NPIPB2: variants seen among roughly 807,000 people sequenced by gnomAD.
NPIPB2 encodes the protein nuclear pore complex interacting protein family member B2.
Under a neutral mutation model 30.8 loss-of-function variants are expected in NPIPB2, and 27 were observed. The observed-to-expected ratio is 0.88, with a 90% CI of 0.65 to 1.21. NPIPB2 has a LOEUF of 1.21. Among genes scored for constraint, NPIPB2 ranks in the 50% most tolerant of loss-of-function variants. NPIPB2 has a pLI of 0.00. For missense variants in NPIPB2, 440 were observed against 446.2 expected (o/e 0.99, Z 0.13); for synonymous variants, 147 against 162.0 (o/e 0.91, Z 0.70).
At chr16:11,971,946 A>T (rs1567481407) in intron 1 of NPIPB2, among the ~76,000 whole-genome samples, 2 of 151,620 alleles carry the variant, frequency 1.3e-5, no homozygotes, top group East Asian at 4.0e-4. Flanking sequence ...GGAGTTTGAG[A>T]CCAGCATCGC....
intron 4 of NPIPB2, among the ~76,000 whole-genome samples, chr16:11,932,385 G>A (rs1323547945): frequency 6.7e-6 from 1 of 149,686 alleles, no homozygotes; most frequent in East Asian, 2.0e-4. Flanking sequence ...CAGGCTGGGT[G>A]CGGTGGCTCA....
intron 1 of NPIPB2, among the ~76,000 whole-genome samples, chr16:11,957,376 G>C (rs1032661502): frequency 6.6e-6 from 1 of 152,020 alleles, no homozygotes; most frequent in African/African-American, 2.4e-5. Context: ...CGTTAGCCAG[G>C]ATGGTCTCCA....
At chr16:11,950,518 CTTCTCTTCTG>C (rs2055052395) in intron 1 of NPIPB2, among the ~76,000 whole-genome samples, 1 of 152,242 alleles carries the variant, frequency 6.6e-6, no homozygotes, top group South Asian at 2.1e-4. Flanking sequence ...TTGCAAATGA[CTTCTCTTCTG>C]AGGAAAGGAG....
intron 1 of NPIPB2, among the ~76,000 whole-genome samples, chr16:11,973,478 A>G (rs1454225941): frequency 2.6e-5 from 4 of 152,230 alleles, no homozygotes; most frequent in Non-Finnish European, 5.9e-5. Context: ...TAAACTGGAG[A>G]AAAGGTAGAC....
At chr16:11,968,069 C>A in intron 1 of NPIPB2, 4 of 501,024 alleles carry the variant, frequency 8.0e-6, no homozygotes, top group Non-Finnish European at 6.9e-6. Context: ...TTTTTCCTGA[C>A]ATCTAAGTTT....
chr16:11,944,726 T>C (rs1596497075), upstream of NPIPB2, among the ~76,000 whole-genome samples: 1 of 65,660 alleles, frequency 1.5e-5, no homozygotes, highest in Admixed American at 2.8e-4. Context: ...TGACACAGAC[T>C]CCGTGTCAAA....
At chr16:11,967,897 T>C (rs750763067) in intron 1 of NPIPB2, 21 of 1,583,448 alleles carry the variant, frequency 1.3e-5, no homozygotes, top group Non-Finnish European at 1.4e-5. Context: ...TTTGTCAGAA[T>C]AGATGATGTG....
At chr16:11,944,933 C>T (rs894221355), upstream of NPIPB2, among the ~76,000 whole-genome samples, 1 of 151,462 alleles carries the variant, frequency 6.6e-6, no homozygotes, top group African/African-American at 2.4e-5. Context: ...AATCCCAGCA[C>T]TTTGGAAGGT....
chr16:11,967,628 A>G, intron 1 of NPIPB2: 4 of 1,614,216 alleles, frequency 2.5e-6, no homozygotes, highest in East Asian at 2.2e-5. Flanking sequence ...CTGGTGATGA[A>G]ATTATTCTTC....
At chr16:11,927,423 T>G in exon 8 of NPIPB2, 2 of 1,149,408 alleles carry the variant, frequency 1.7e-6, no homozygotes, top group Admixed American at 2.0e-5. Context: ...CTCCGCCTCT[T>G]GGGCTCGGGT....
chr16:11,958,247 A>G (rs11645231), intron 1 of NPIPB2, among the ~76,000 whole-genome samples: 47,080 of 151,594 alleles, frequency 0.31, 9,025 homozygotes, highest in Non-Finnish European at 0.44. Flanking sequence ...CCAACATAGC[A>G]AAACCTCACC....
chr16:11,969,617 A>G (rs1190307275), intron 1 of NPIPB2, among the ~76,000 whole-genome samples: 1 of 152,188 alleles, frequency 6.6e-6, no homozygotes, highest in East Asian at 1.9e-4. Context: ...GAAGCCTAGA[A>G]TCAACCAGAC....
intron 1 of NPIPB2, chr16:11,966,401 G>A (rs1478455243): frequency 1.4e-5 from 22 of 1,535,470 alleles, no homozygotes; most frequent in Non-Finnish European, 1.7e-5. Context: ...GTGAGTTTCA[G>A]TTCCTTTTCT....
chr16:11,957,961 T>G (rs2055124601), intron 1 of NPIPB2, among the ~76,000 whole-genome samples: 1 of 152,170 alleles, frequency 6.6e-6, no homozygotes, highest in South Asian at 2.1e-4. Context: ...ACTTAGATAT[T>G]CCCCAATTAC....
At chr16:11,965,304 C>T in intron 1 of NPIPB2, 3 of 1,613,722 alleles carry the variant, frequency 1.9e-6, no homozygotes, top group Non-Finnish European at 2.5e-6. Flanking sequence ...TCTGTAGCTC[C>T]CTTGTTTTCT....
chr16:11,953,154 A>AT (rs896151453), intron 1 of NPIPB2, among the ~76,000 whole-genome samples: 15 of 151,472 alleles, frequency 9.9e-5, no homozygotes, highest in Non-Finnish European at 1.8e-4. Context: ...TTCATTCTGT[A>AT]TTTTTTTTCA....
intron 1 of NPIPB2, chr16:11,968,670 T>C (rs796195596): frequency 2.4e-4 from 37 of 152,296 alleles, no homozygotes; most frequent in African/African-American, 8.4e-4. Flanking sequence ...TGGTGTTATC[T>C]GTGTAGCATT....
At chr16:11,957,863 A>G (rs1045717451) in intron 1 of NPIPB2, among the ~76,000 whole-genome samples, 24 of 152,276 alleles carry the variant, frequency 1.6e-4, no homozygotes, top group African/African-American at 5.8e-4. Context: ...CAGCTCCTAC[A>G]ATTGCATGAA....
intron 1 of NPIPB2, among the ~76,000 whole-genome samples, chr16:11,951,653 CA>C (rs2055065496): frequency 2.0e-5 from 3 of 147,524 alleles, no homozygotes; most frequent in Non-Finnish European, 3.0e-5. Context: ...CACACACACA[CA>C]CACACACACA....
Sources: allele counts gnomAD v4.1 joint callset (sites outside exome capture counted in the v4.1 genomes callset), GRCh38; gene constraint gnomAD v4.1.1; transcripts MANE v1.5; gene names NCBI Gene and HGNC (gene_info 2026-07-23, HGNC 2026-07-21).